The following COL13A1 variants were observed in gnomAD, a reference collection of about 807,000 sequenced individuals.
COL13A1 encodes collagen alpha-1(XIII) chain.
In COL13A1, 89 loss-of-function variants were observed where a neutral mutation model predicts 130.9. The observed-to-expected ratio is 0.68, with a 90% CI of 0.57 to 0.81. The LOEUF (loss-of-function observed/expected upper bound fraction) is 0.81, where lower values mean the gene tolerates loss of function less well. Among genes scored for constraint, COL13A1 ranks in the 30% least tolerant of loss-of-function variants. COL13A1 has a pLI of 0.00. For missense variants in COL13A1, 879 were observed against 934.6 expected (o/e 0.94, Z 0.78); for synonymous variants, 402 against 341.6 (o/e 1.18, Z -1.95).
chr10:69,895,853 C>T (rs779326904), intron 13 of COL13A1, among the ~76,000 whole-genome samples: 7 of 152,126 alleles, frequency 4.6e-5, no homozygotes, highest in East Asian at 1.9e-4. Flanking sequence ...ACGTCTGACT[C>T]GGTATGTTGG....
At chr10:69,914,960 C>G (rs981475731) in intron 17 of COL13A1, among the ~76,000 whole-genome samples, 1 of 152,240 alleles carries the variant, frequency 6.6e-6, no homozygotes, top group Non-Finnish European at 1.5e-5. Flanking sequence ...CCCCACCAAG[C>G]AAAGAGGGGC....
chr10:69,836,158 C>A (rs10823440), intron 2 of COL13A1, among the ~76,000 whole-genome samples: 13,703 of 152,256 alleles, frequency 0.09, 899 homozygotes, highest in Admixed American at 0.19. Context: ...TGTGCCATGC[C>A]CCATCCTCAG....
At chr10:69,949,859 T>C (rs2069121732) in intron 38 of COL13A1, among the ~76,000 whole-genome samples, 1 of 149,112 alleles carries the variant, frequency 6.7e-6, no homozygotes, top group African/African-American at 2.5e-5. Context: ...AAAAGGTCTG[T>C]GTGCATGCAG....
At chr10:69,867,366 C>T (rs947197582) in intron 2 of COL13A1, among the ~76,000 whole-genome samples, 20 of 152,238 alleles carry the variant, frequency 1.3e-4, no homozygotes, top group Non-Finnish European at 2.9e-5. Context: ...CCCTCCCTGA[C>T]GTGCACAGTG....
chr10:69,811,255 G>A (rs1024568107), intron 1 of COL13A1, among the ~76,000 whole-genome samples: 3 of 152,132 alleles, frequency 2.0e-5, no homozygotes, highest in Non-Finnish European at 4.4e-5. Context: ...CGCTCTTTGG[G>A]TTGCAGCAGG....
In COL13A1 at chr10:69,828,497, C is replaced by T. The variant is rs2132825523; in HGVS notation, c.364+6059C>T. ...TCCCAAAGATAAGCCCACTTTGTCT[C>T]TCTAGCCTGATCTCTGACCAGTCTT... On this transcript the variant is annotated intron_variant, in intron 2 of 40. Transcript: ENST00000645393. Among the ~76,000 whole-genome samples the T allele has an allele frequency of 1.3e-5, 2 of 152,354 alleles. 1 individual carries two copies. The highest frequency in any genetic ancestry group is 4.1e-4 in the South Asian group (2 of 4,828).
At chr10:69,826,851 T>G (rs754120153) in intron 2 of COL13A1, among the ~76,000 whole-genome samples, 2 of 152,090 alleles carry the variant, frequency 1.3e-5, no homozygotes, top group Non-Finnish European at 2.9e-5. Context: ...GCTTCGGTTC[T>G]TGCCACCCCA....
intron 4 of COL13A1, among the ~76,000 whole-genome samples, chr10:69,874,871 ACTC>A (rs2059424152): frequency 6.6e-6 from 1 of 151,828 alleles, no homozygotes; most frequent in Non-Finnish European, 1.5e-5. Context: ...CTGGGACCAG[ACTC>A]CTCCTTCCAT....
At chr10:69,931,523 G>A (rs1340190244) in intron 30 of COL13A1, among the ~76,000 whole-genome samples, 3 of 152,134 alleles carry the variant, frequency 2.0e-5, no homozygotes, top group Admixed American at 1.3e-4. Flanking sequence ...TAGAATCTTG[G>A]TCTCAGAATT....
At chr10:69,954,840 G>A (rs2070329110) in intron 39 of COL13A1, 1 of 152,322 alleles carries the variant, frequency 6.6e-6, no homozygotes, top group Admixed American at 6.5e-5. Context: ...TAGTTAAGGA[G>A]GAGGCAGGGA....
rs888095320 is a variant in COL13A1, at chr10:69,898,345, C to T, written c.685-352C>T. Reference sequence around the variant, plus strand: ...CAGCCTCTGCAGCCCAGCATGGCCACGGAGGGCAAGCCTGGCCATGTGGGA... The same window carrying T: ...CAGCCTCTGCAGCCCAGCATGGCCATGGAGGGCAAGCCTGGCCATGTGGGA... On this transcript the variant is annotated intron_variant, in intron 13 of 40. Coordinates refer to ENST00000645393, the MANE Select transcript of COL13A1 (RefSeq NM_001368882.1). Among the ~76,000 whole-genome samples the T allele has an allele frequency of 7.2e-5, 11 of 152,218 alleles. No homozygotes were observed. The East Asian group carries it at 7.7e-4, about 11-fold the overall frequency.
intron 38 of COL13A1, among the ~76,000 whole-genome samples, chr10:69,949,984 A>ATGTGTTTGTGTGTGCGTG: frequency 6.8e-6 from 1 of 146,896 alleles, no homozygotes; most frequent in East Asian, 2.1e-4. Context: ...GTGTGTGTGC[A>ATGTGTTTGTGTGTGCGTG]TGTGTTTGTG....
chr10:69,849,788 G>A (rs1207464148), intron 2 of COL13A1, among the ~76,000 whole-genome samples: 1 of 152,146 alleles, frequency 6.6e-6, no homozygotes, highest in Admixed American at 6.5e-5. Context: ...AATGTCCCCA[G>A]CCACTTTCCA....
At chr10:69,892,381 C>G (rs75634795) in intron 10 of COL13A1, among the ~76,000 whole-genome samples, 18 of 152,312 alleles carry the variant, frequency 1.2e-4, no homozygotes, top group African/African-American at 2.6e-4. Context: ...CCCACCCCCC[C>G]ACTTCACATT....
In COL13A1 at chr10:69,802,539, T is replaced by G; in HGVS notation, c.116T>G (p.Leu39Arg). Residue 39 changes from leucine to arginine, a missense_variant, in exon 1 of 41, where the codon CTG (leucine) becomes CGG (arginine). Coordinates refer to ENST00000645393, the MANE Select transcript of COL13A1 (RefSeq NM_001368882.1). Reference sequence around the variant, plus strand: ...GCGCGGGCGGAGCGCGGCGCACGGCTGCCGAGTCCAGGGTCGTGCGGGCTG... The same window carrying G: ...GCGCGGGCGGAGCGCGGCGCACGGCGGCCGAGTCCAGGGTCGTGCGGGCTG... ...VAARAERGAR[L>R]PSPGSCGLLT... 6.3e-7 allele frequency: 1 copy of G among 1,595,994 alleles called. No individual in the cohort carries two copies.
intron 24 of COL13A1, 69 bp downstream of exon 24, chr10:69,923,924 C>A: frequency 1.9e-6 from 3 of 1,560,336 alleles, no homozygotes; most frequent in Non-Finnish European, 1.7e-6. Flanking sequence ...ATCATCCCGG[C>A]CGACCCTAGG....
intron 2 of COL13A1, among the ~76,000 whole-genome samples, chr10:69,858,728 C>T (rs1299909438): frequency 1.3e-5 from 2 of 152,172 alleles, no homozygotes; most frequent in Non-Finnish European, 2.9e-5. Flanking sequence ...CTTGGAAGGG[C>T]TCATTGAAGG....
At chr10:69,931,122 C>A (rs1234193077) in intron 30 of COL13A1, 2 of 455,766 alleles carry the variant, frequency 4.4e-6, no homozygotes, top group Admixed American at 4.7e-5. Flanking sequence ...GCAAGACCAC[C>A]TTGAGCTCCA....
chr10:69,930,133 C>A (rs770581717), intron 29 of COL13A1, 46 bp downstream of exon 29: 1 of 1,597,344 alleles, frequency 6.3e-7, no homozygotes, highest in Admixed American at 1.7e-5. Flanking sequence ...ACAGTCTTGG[C>A]CCTGGGGGCA....
Sources: allele counts gnomAD v4.1 joint callset (sites outside exome capture counted in the v4.1 genomes callset), GRCh38; gene constraint gnomAD v4.1.1; transcripts MANE v1.5; gene names NCBI Gene and HGNC (gene_info 2026-07-23, HGNC 2026-07-21).